Variants in GCSAML observed in about 807,000 individuals in gnomAD.
The protein encoded by GCSAML is germinal center associated signaling and motility like.
GCSAML carries 9 observed loss-of-function variants against 13.0 expected under a neutral mutation model. The ratio of observed to expected loss-of-function variants is 0.69; its 90% confidence interval spans 0.42 to 1.21. The LOEUF is 1.21. Among genes scored for constraint, GCSAML ranks in the 50% most tolerant of loss-of-function variants. The pLI, the probability that GCSAML is intolerant of heterozygous loss-of-function variation, is 0.00. For synonymous variants in GCSAML, 37 were observed against 52.9 expected (o/e 0.70, Z 1.31); for missense variants, 143 against 153.4 (o/e 0.93, Z 0.36).
chr1:247,529,852 C>A (rs1022508127), intron 2 of GCSAML: 1 of 151,130 alleles, frequency 6.6e-6, no homozygotes, highest in African/African-American at 2.4e-5. Flanking sequence ...AAAAGACTGA[C>A]CTGCTTCCAA....
chr1:247,529,668 A>G (rs947978030), intron 2 of GCSAML: 1 of 145,554 alleles, frequency 6.9e-6, no homozygotes, highest in African/African-American at 2.6e-5. Context: ...TGGTTGGACT[A>G]TGGTGCCCAG....
intron 1 of GCSAML, among the ~76,000 whole-genome samples, chr1:247,555,719 G>A (rs927324046): frequency 6.6e-6 from 1 of 152,200 alleles, no homozygotes; most frequent in Non-Finnish European, 1.5e-5. Flanking sequence ...TCAAGGAAAT[G>A]CTATGTGTGG....
At chr1:247,523,645 A>G (rs1393791847) in intron 1 of GCSAML, among the ~76,000 whole-genome samples, 1 of 152,214 alleles carries the variant, frequency 6.6e-6, no homozygotes, top group Non-Finnish European at 1.5e-5. Flanking sequence ...CACAGTCAAT[A>G]AGATACTGTT....
intron 2 of GCSAML, among the ~76,000 whole-genome samples, chr1:247,541,774 C>T (rs1667420242): frequency 1.3e-5 from 2 of 152,104 alleles, no homozygotes; most frequent in Admixed American, 1.3e-4. Context: ...CTTTGGGAAG[C>T]TGAGGTGGGC....
At chr1:247,531,417 C>G in intron 2 of GCSAML, 1 of 845,408 alleles carries the variant, frequency 1.2e-6, no homozygotes, top group Non-Finnish European at 1.9e-6. Flanking sequence ...CATGAGCACA[C>G]TCCTTTCAGA....
intron 2 of GCSAML, among the ~76,000 whole-genome samples, chr1:247,533,063 C>G (rs1667069001): frequency 6.6e-6 from 1 of 152,218 alleles, no homozygotes; most frequent in African/African-American, 2.4e-5. Context: ...TGTGCCCTCT[C>G]AAATTCCACA....
intron 2 of GCSAML, among the ~76,000 whole-genome samples, chr1:247,540,811 A>G (rs7540997): frequency 0.051 from 7,763 of 152,288 alleles, 631 homozygotes; most frequent in African/African-American, 0.17. Context: ...TTTCTTTTCA[A>G]TTCACGTAGA....
chr1:247,521,268 G>A (rs564507066), intron 1 of GCSAML, among the ~76,000 whole-genome samples: 3 of 152,096 alleles, frequency 2.0e-5, no homozygotes, highest in South Asian at 4.2e-4. Flanking sequence ...ACTGTTACAA[G>A]GTTGTAAGCA....
chr1:247,576,053 A>G lies in GCSAML; in HGVS notation c.*1671A>G, dbSNP rs1442316636. 1.3e-5 allele frequency: 2 copies of G among 152,232 alleles called. No homozygotes were observed. Among genetic ancestry groups the G allele is most frequent in the Non-Finnish European group, 2.9e-5 (2 of 68,042 alleles). The allele number at this position is 152,232 out of a possible 1,614,324, so 9.4% of individuals were successfully genotyped here. A position where few individuals can be genotyped will look rare whatever the true frequency, so the allele number is the denominator to read the frequency against. ...TATTTTTGGATTTTGGAATATTTCCATACATATAATGAGAGAGTTGGAAAA... is the reference window on the plus strand; with the variant it reads ...TATTTTTGGATTTTGGAATATTTCCGTACATATAATGAGAGAGTTGGAAAA... On this transcript the variant is annotated 3_prime_UTR_variant, in exon 5 of 5. Transcript: ENST00000366488.
chr1:247,546,597 A>G (rs536380224), upstream of GCSAML, among the ~76,000 whole-genome samples: 51 of 151,838 alleles, frequency 3.4e-4, no homozygotes, highest in East Asian at 4.3e-3. Flanking sequence ...TCCTGACCTC[A>G]TGATCCACCC....
At chr1:247,573,378 G>A (rs377293516) in intron 4 of GCSAML, among the ~76,000 whole-genome samples, 6 of 152,202 alleles carry the variant, frequency 3.9e-5, no homozygotes, top group East Asian at 1.9e-4. Context: ...AAAGTGTAGT[G>A]TCTGGGCTGG....
chr1:247,517,697 T>C (rs1416056171), intron 1 of GCSAML, among the ~76,000 whole-genome samples: 1 of 152,198 alleles, frequency 6.6e-6, no homozygotes, highest in Non-Finnish European at 1.5e-5. Flanking sequence ...TATCTTTACT[T>C]AACGTCTTGC....
At chr1:247,531,612 G>A (rs1666959541) in intron 2 of GCSAML, 3 of 1,614,022 alleles carry the variant, frequency 1.9e-6, no homozygotes, top group Non-Finnish European at 2.5e-6. Flanking sequence ...GCCGGAGGGC[G>A]CTCTTCACCT....
intron 1 of GCSAML, among the ~76,000 whole-genome samples, chr1:247,556,047 A>G (rs1326282567): frequency 6.6e-6 from 1 of 152,210 alleles, no homozygotes; most frequent in East Asian, 1.9e-4. Flanking sequence ...CAAGCAGATC[A>G]TCTTGCCTCA....
chr1:247,558,183 C>G (rs886452562), intron 2 of GCSAML, among the ~76,000 whole-genome samples: 1 of 152,212 alleles, frequency 6.6e-6, no homozygotes, highest in African/African-American at 2.4e-5. Context: ...TTTTACCATT[C>G]TAGTCAATTG....
At chr1:247,552,859 G>A (rs183582357) in intron 1 of GCSAML, among the ~76,000 whole-genome samples, 3 of 152,174 alleles carry the variant, frequency 2.0e-5, no homozygotes, top group African/African-American at 7.2e-5. Context: ...AGGTTCAAGC[G>A]ATTCTTCTGC....
chr1:247,565,063 CAA>C (rs1462757261), intron 3 of GCSAML, among the ~76,000 whole-genome samples: 1 of 152,196 alleles, frequency 6.6e-6, no homozygotes, highest in East Asian at 1.9e-4. Context: ...AAATAACTAA[CAA>C]GAGTGAACAG....
chr1:247,523,035 A>T (rs1199947891), intron 1 of GCSAML, among the ~76,000 whole-genome samples: 1 of 152,208 alleles, frequency 6.6e-6, no homozygotes, highest in Admixed American at 6.5e-5. Flanking sequence ...ATATATATGA[A>T]ATCCTCTATT....
Position 247,527,048 on chromosome 1 carries a change from A to G in GCSAML, c.-154A>G, listed in dbSNP as rs768830583. 4.4e-6 allele frequency: 2 copies of G among 456,586 alleles called. No individual in the cohort carries two copies. The highest frequency in any genetic ancestry group is 8.8e-6 in the Non-Finnish European group (2 of 226,968). The allele number at this position is 456,586 out of a possible 1,614,324, so 28.3% of individuals were successfully genotyped here. A position where few individuals can be genotyped will look rare whatever the true frequency, so the allele number is the denominator to read the frequency against. On this transcript the variant is annotated 5_prime_UTR_variant, in exon 2 of 6. Transcript: ENST00000366489. The surrounding 1 kb of genome is among the most constrained non-coding windows in gnomAD (Gnocchi z 4.6). ...TGTTTCTTTCAGTTCTTGGATGCCA[A>G]TCTGAGGTACAAATCACATTTCAAG...
Sources: gnomAD v4.1 joint callset for allele counts (sites outside exome capture counted in the v4.1 genomes callset) on GRCh38, gnomAD v4.1.1 for gene constraint, Gnocchi (gnomAD v3.1) non-coding constraint, MANE v1.5 for transcripts, NCBI Gene and HGNC (gene_info 2026-07-23, HGNC 2026-07-21) for gene names.